The following SEC24A variants were observed in gnomAD, a reference collection of about 807,000 sequenced individuals.
SEC24A encodes SEC24 homolog A, COPII component.
Under a neutral mutation model 129.4 loss-of-function variants are expected in SEC24A, and 93 were observed. That is an observed-to-expected ratio of 0.72 (90% CI 0.61 to 0.85). SEC24A has a LOEUF of 0.85. Ranked by LOEUF, SEC24A falls within the 40% of genes least tolerant of loss-of-function variation. The pLI, the probability that SEC24A is intolerant of heterozygous loss-of-function variation, is 0.00. For missense variants in SEC24A, 1,264 were observed against 1,307.4 expected (o/e 0.97, Z 0.51); for synonymous variants, 460 against 467.3 (o/e 0.98, Z 0.20).
chr5:134,692,659 T>C lies in SEC24A; in HGVS notation c.1779+2T>C. 1 of 1,424,488 alleles carries C rather than the reference T, an allele frequency of 7.0e-7. No homozygotes were observed. The highest frequency in any genetic ancestry group is 9.9e-7 in the Non-Finnish European group (1 of 1,010,746). 88.2% of individuals were successfully genotyped at this position (1,424,488 alleles called of 1,614,324 possible). ...GTAAACTTAAATGAAAGTAAAGAGGTAAGGCACATTTTCCTACCTGACATG... is the reference window on the plus strand; with the variant it reads ...GTAAACTTAAATGAAAGTAAAGAGGCAAGGCACATTTTCCTACCTGACATG... On this transcript the variant is annotated splice_donor_variant, in intron 12 of 22. Transcript: ENST00000398844. LOFTEE classifies it high-confidence loss of function.
intron 18 of SEC24A, among the ~76,000 whole-genome samples, chr5:134,709,920 GAC>G (rs1351415348): frequency 1.3e-5 from 2 of 151,568 alleles, no homozygotes; most frequent in Non-Finnish European, 2.9e-5. Context: ...TCTTTTTTGA[GAC>G]AGAGTCTTGC....
chr5:134,648,445 A>C (rs1484814005), upstream of SEC24A: 1 of 152,394 alleles, frequency 6.6e-6, no homozygotes, highest in East Asian at 1.9e-4. Flanking sequence ...GGTAATCTTC[A>C]CAAAACCCGA....
chr5:134,697,203 C>G lies in SEC24A; in HGVS notation c.2064C>G (p.Asp688Glu). 1.9e-6 allele frequency: 3 copies of G among 1,605,820 alleles called. No individual in the cohort carries two copies. The highest frequency in any genetic ancestry group is 2.6e-6 in the Non-Finnish European group (3 of 1,174,068). Reference sequence around the variant, plus strand: ...GTTCTGGTCAGCAAGTTGCTGTTGACTTATTCCTTCTCAGTGGACAGTATT... The same window carrying G: ...GTTCTGGTCAGCAAGTTGCTGTTGAGTTATTCCTTCTCAGTGGACAGTATT... ...LDCSGQQVAV[D>E]LFLLSGQYSD... The change falls in exon 14 of 23, where the codon GAC (aspartate) becomes GAG (glutamate). Residue 688 changes from aspartate to glutamate, a missense_variant. Transcript: ENST00000398844.
chr5:134,664,633 C>T (rs1484016136), intron 2 of SEC24A, among the ~76,000 whole-genome samples: 1 of 152,024 alleles, frequency 6.6e-6, no homozygotes, highest in African/African-American at 2.4e-5. Context: ...TACCTTGCCC[C>T]TTTGTTCCTT....
At chr5:134,669,487 A>AT (rs2150078258) in intron 3 of SEC24A, among the ~76,000 whole-genome samples, 1 of 138,748 alleles carries the variant, frequency 7.2e-6, no homozygotes, top group Non-Finnish European at 1.6e-5. Flanking sequence ...TTATTTATTT[A>AT]TTTTTTTGAG....
intron 16 of SEC24A, among the ~76,000 whole-genome samples, chr5:134,705,070 T>TTG (rs1554141294): frequency 8.2e-5 from 11 of 133,350 alleles, no homozygotes; most frequent in Admixed American, 8.1e-4. Flanking sequence ...ATATTTATAT[T>TTG]TATATATATA....
chr5:134,648,565 A>G (rs1749934251), upstream of SEC24A: 2 of 152,582 alleles, frequency 1.3e-5, no homozygotes, highest in Non-Finnish European at 2.9e-5. Flanking sequence ...GAATTTCCGT[A>G]GCGGTGACAC....
chr5:134,697,731 C>T (rs1031095576), intron 14 of SEC24A, among the ~76,000 whole-genome samples, 168 bp from the exon 15 acceptor site: 1 of 152,086 alleles, frequency 6.6e-6, no homozygotes, highest in Admixed American at 6.6e-5. Context: ...GCACTCCAGC[C>T]TGGGTGACAG....
chr5:134,659,504 G>C (rs1750373213), intron 1 of SEC24A, among the ~76,000 whole-genome samples: 1 of 151,996 alleles, frequency 6.6e-6, no homozygotes, highest in African/African-American at 2.4e-5. Context: ...ATCCATATAT[G>C]ATTTTCACAT....
At chr5:134,701,031 G>T (rs1751992890) in intron 15 of SEC24A, 1 of 151,000 alleles carries the variant, frequency 6.6e-6, no homozygotes, top group South Asian at 2.1e-4. Flanking sequence ...ATTTTTAGTA[G>T]AGGTGGTGTT....
chr5:134,668,354 C>T (rs778287251), intron 3 of SEC24A, among the ~76,000 whole-genome samples: 5 of 151,638 alleles, frequency 3.3e-5, no homozygotes, highest in Admixed American at 6.6e-5. Flanking sequence ...TTTGGGAGGC[C>T]GAGGTGGGCA....
intron 16 of SEC24A, among the ~76,000 whole-genome samples, chr5:134,704,595 G>C (rs1025869824): frequency 6.6e-6 from 1 of 152,018 alleles, no homozygotes; most frequent in African/African-American, 2.4e-5. Flanking sequence ...GAGGCCAGGA[G>C]TTCAAGACCA....
rs766592794 is a variant in SEC24A, at chr5:134,675,079, T to G, written c.1013T>G (p.Met338Arg). The G allele has an allele frequency of 3.1e-6, 5 of 1,610,244 alleles. No individual in the cohort carries two copies. Among genetic ancestry groups the G allele is most frequent in the Non-Finnish European group, 4.2e-6 (5 of 1,177,468 alleles). Residue 338 changes from methionine (M) to arginine (R), a missense_variant, in exon 6 of 23, where the codon ATG (methionine) becomes AGG (arginine). Physicochemically the swap from Met to Arg is moderately conservative, Grantham distance 91 (BLOSUM62 -1). Transcript: ENST00000398844. ...PLGANHLTTS[M>R]SGLSLQPEGL... ...GGTGCTAATCATTTAACCACAAGCA[T>G]GAGTGGATTAAGTCTACAACCAGAG... is the stretch of plus-strand genomic sequence containing the variant.
intron 9 of SEC24A, among the ~76,000 whole-genome samples, chr5:134,683,693 T>G (rs1437207247): frequency 6.6e-6 from 1 of 152,176 alleles, no homozygotes; most frequent in Non-Finnish European, 1.5e-5. Flanking sequence ...TTTTAAAAGT[T>G]TTTTAGAGAC....
intron 7 of SEC24A, among the ~76,000 whole-genome samples, chr5:134,679,315 C>A (rs1751179926): frequency 6.6e-6 from 1 of 152,094 alleles, no homozygotes; most frequent in African/African-American, 2.4e-5. Flanking sequence ...CGCCTTGGCT[C>A]CCAAAGTGCT....
At position 134,674,802 on chromosome 5, in the gene SEC24A, C is replaced by G. The variant is rs754842529; in HGVS notation, c.978+27C>G. Reference sequence around the variant, plus strand: ...TAAACTTTTTGGGATTTTCTTTAACCTATTTCTCCATTTGGTTTAAACTGT... The same window carrying G: ...TAAACTTTTTGGGATTTTCTTTAACGTATTTCTCCATTTGGTTTAAACTGT... On this transcript the variant is annotated intron_variant, in intron 5 of 22. Transcript: ENST00000398844. 19 of 1,602,660 alleles carry G rather than the reference C, an allele frequency of 1.2e-5. No individual in the cohort carries two copies. The South Asian group carries it at 1.9e-4, about 16-fold the overall frequency.
chr5:134,667,143 A>G (rs1466475020), intron 3 of SEC24A, 147 bp downstream of exon 3: 4 of 611,338 alleles, frequency 6.5e-6, no homozygotes, highest in African/African-American at 3.9e-5. Context: ...TTTACAATTT[A>G]AAGTTCCTCA....
intron 18 of SEC24A, among the ~76,000 whole-genome samples, chr5:134,711,253 AG>A (rs1347615995): frequency 6.6e-6 from 1 of 152,168 alleles, no homozygotes; most frequent in African/African-American, 2.4e-5. Flanking sequence ...GCTTAAAGCT[AG>A]GGGTTTGAGA....
rs557314080 is a variant in SEC24A at position 134,697,596 on chromosome 5, T to A, written c.2108-303T>A. Among the ~76,000 whole-genome samples, 5 of 152,146 alleles carry A rather than the reference T, an allele frequency of 3.3e-5. No individual in the cohort carries two copies. In the East Asian group the frequency reaches 5.8e-4, roughly 18 times the overall value. On this transcript the variant is annotated intron_variant, in intron 14 of 22. Coordinates refer to ENST00000398844, the MANE Select transcript of SEC24A (RefSeq NM_021982.3). Reference sequence around the variant, plus strand: ...TTTGCAAATAATATGTATATTTTTTTAAATAAAAAACTAGCCAGACATGGT... The same window carrying A: ...TTTGCAAATAATATGTATATTTTTTAAAATAAAAAACTAGCCAGACATGGT...
Sources: allele counts gnomAD v4.1 joint callset (sites outside exome capture counted in the v4.1 genomes callset), GRCh38; gene constraint gnomAD v4.1.1; transcripts MANE v1.5; gene names NCBI Gene and HGNC (gene_info 2026-07-23, HGNC 2026-07-21).